VCF1: variants seen among roughly 807,000 people sequenced by gnomAD.
VCF1 encodes the protein VCP nuclear cofactor family member 1.
the VCF1 span, chr17:73,227,667 T>C: frequency 2.0e-6 from 2 of 986,244 alleles, no homozygotes; most frequent in Non-Finnish European, 2.4e-6. Context: ...TGACAACATT[T>C]GATATAAGAG....
the VCF1 span, chr17:73,229,087 GA>G: frequency 1.0e-6 from 1 of 954,696 alleles, no homozygotes; most frequent in Non-Finnish European, 1.2e-6. Context: ...AAGATGAGAT[GA>G]TTTTGTGGAT....
chr17:73,212,225 G>C, the VCF1 span, among the ~76,000 whole-genome samples: 1 of 152,110 alleles, frequency 6.6e-6, no homozygotes, highest in Admixed American at 6.6e-5. Flanking sequence ...TAAAATCCTA[G>C]TTCTATCCCT....
the VCF1 span, among the ~76,000 whole-genome samples, chr17:73,217,182 C>CCAAAA: frequency 1.3e-5 from 2 of 151,196 alleles, no homozygotes; most frequent in African/African-American, 2.4e-5. Flanking sequence ...ATACAAAAAA[C>CCAAAA]CAAAACAAAA....
the VCF1 span, among the ~76,000 whole-genome samples, chr17:73,211,909 T>C: frequency 6.6e-6 from 1 of 152,258 alleles, no homozygotes; most frequent in South Asian, 2.1e-4. Flanking sequence ...CTCGCGCCTA[T>C]AGTCCCAGCT....
chr17:73,221,850 A>G, the VCF1 span, among the ~76,000 whole-genome samples: 1 of 152,030 alleles, frequency 6.6e-6, no homozygotes, highest in African/African-American at 2.4e-5. Context: ...TCTGGCCAAC[A>G]TGGTGAAACC....
chr17:73,212,588 A>G, the VCF1 span: 2 of 1,048,394 alleles, frequency 1.9e-6, no homozygotes, highest in Non-Finnish European at 2.8e-6. Context: ...GGCGTCTCCT[A>G]ACCTAGTATA....
the VCF1 span, chr17:73,209,247 A>G: frequency 1.9e-6 from 1 of 517,798 alleles, no homozygotes; most frequent in South Asian, 2.2e-5. Context: ...CTATGGATTC[A>G]ACACACAGAA....
chr17:73,207,851 T>G, the VCF1 span: 102,165 of 1,231,344 alleles, frequency 0.083, 4,642 homozygotes, highest in Non-Finnish European at 0.089. Flanking sequence ...CAGTGTATCC[T>G]TTCCGTATTC....
the VCF1 span, chr17:73,232,002 T>A: frequency 5.6e-6 from 8 of 1,432,138 alleles, no homozygotes; most frequent in South Asian, 9.6e-5. Context: ...CCACTCTTGC[T>A]CCGACCCCCA....
the VCF1 span, chr17:73,229,133 C>A: frequency 2.0e-6 from 2 of 985,264 alleles, no homozygotes. Context: ...CATGAAATAT[C>A]CCTGCCTCAT....
chr17:73,232,168 T>C, the VCF1 span: 9 of 1,608,508 alleles, frequency 5.6e-6, no homozygotes, highest in Admixed American at 8.4e-5. Context: ...ACAGAGGGGG[T>C]TGTGTTTCGG....
the VCF1 span, among the ~76,000 whole-genome samples, chr17:73,230,842 C>T: frequency 6.6e-6 from 1 of 152,348 alleles, no homozygotes; most frequent in South Asian, 2.1e-4. Context: ...AAGGAATCTA[C>T]TGCCAGTATA....
At chr17:73,207,588 T>C in the VCF1 span, 2 of 834,390 alleles carry the variant, frequency 2.4e-6, no homozygotes, top group African/African-American at 1.7e-5. Flanking sequence ...GGAGAAAATC[T>C]GTTTTGTTCT....
chr17:73,221,593 G>A, the VCF1 span, among the ~76,000 whole-genome samples: 15 of 152,006 alleles, frequency 9.9e-5, no homozygotes, highest in African/African-American at 3.1e-4. Flanking sequence ...GGCTTTACAC[G>A]AAACAAAAAA....
At chr17:73,208,330 G>A in the VCF1 span, 127 of 1,613,794 alleles carry the variant, frequency 7.9e-5, no homozygotes, top group Admixed American at 2.7e-4. Context: ...CCCCCGGCAC[G>A]CTCCACAGCT....
the VCF1 span, among the ~76,000 whole-genome samples, chr17:73,224,960 GACAGCACAGC>G: frequency 8.7e-4 from 41 of 47,300 alleles, 1 homozygote; most frequent in South Asian, 2.1e-3. Flanking sequence ...CACAGGACAG[GACAGCACAGC>G]ACAGCACAGC....
the VCF1 span, among the ~76,000 whole-genome samples, chr17:73,224,930 G>GACAGCACAGCACAGGACAGGACAGC: frequency 1.4e-4 from 12 of 85,790 alleles, 1 homozygote; most frequent in Non-Finnish European, 1.7e-4. Flanking sequence ...GACAGGACAG[G>GACAGCACAGCACAGGACAGGACAGC]ACAGCACAGC....
the VCF1 span, among the ~76,000 whole-genome samples, chr17:73,223,190 G>A: frequency 1.3e-5 from 2 of 152,230 alleles, no homozygotes; most frequent in East Asian, 3.9e-4. Context: ...GGTGGCACAT[G>A]CCTGTAATCC....
chr17:73,208,627 T>G, the VCF1 span: 2 of 781,418 alleles, frequency 2.6e-6, no homozygotes, highest in Non-Finnish European at 4.3e-6. Flanking sequence ...TGTCCCAAAA[T>G]TTCACAATAC....
Sources: gnomAD v4.1 joint callset for allele counts (sites outside exome capture counted in the v4.1 genomes callset) on GRCh38, gnomAD v4.1.1 for gene constraint, MANE v1.5 for transcripts, NCBI Gene and HGNC (gene_info 2026-07-23, HGNC 2026-07-21) for gene names.